The following ITGA8 variants were observed in gnomAD, a reference collection of about 807,000 sequenced individuals.
The protein encoded by ITGA8 is integrin subunit alpha 8, also known as integrin alpha-8.
A neutral mutation model predicts 142.3 loss-of-function variants in ITGA8; 91 were observed. The ratio of observed to expected loss-of-function variants is 0.64; its 90% CI spans 0.54 to 0.76. The LOEUF (loss-of-function observed/expected upper bound fraction) is 0.76, where lower values mean the gene tolerates loss of function less well. Among genes scored for constraint, ITGA8 ranks in the 30% least tolerant of loss-of-function variants. ITGA8 has a pLI of 0.00. For missense variants in ITGA8, 1,406 were observed against 1,327.7 expected (o/e 1.06, Z -0.92); for synonymous variants, 505 against 485.2 (o/e 1.04, Z -0.54).
In ITGA8 at chr10:15,697,857, T is replaced by A. The variant is rs530676457; in HGVS notation, c.344-9819A>T. Among the ~76,000 whole-genome samples, 4 of 152,340 alleles carry A rather than the reference T, an allele frequency of 2.6e-5. No individual in the cohort carries two copies. The South Asian group carries it at 8.3e-4, about 32-fold the overall frequency. ...TTTGCCGACAGTTGATAGAGTAGTCTTTGGTGCAGTCTTGTGAAGTAAAGA... is the reference window on the plus strand; with the variant it reads ...TTTGCCGACAGTTGATAGAGTAGTCATTGGTGCAGTCTTGTGAAGTAAAGA... On this transcript the variant is annotated intron_variant, in intron 2 of 29. Transcript: ENST00000378076.
At chr10:15,590,944 C>G (rs770186279) in intron 22 of ITGA8, among the ~76,000 whole-genome samples, 2 of 152,118 alleles carry the variant, frequency 1.3e-5, no homozygotes, top group Non-Finnish European at 2.9e-5. Context: ...GAAATCTATA[C>G]AAAGTTTGGG....
At chr10:15,531,206 T>A in intron 27 of ITGA8, 55 bp from the exon 28 acceptor site, 1 of 898,912 alleles carries the variant, frequency 1.1e-6, no homozygotes, top group Non-Finnish European at 1.6e-6. Flanking sequence ...TTAAGAGTTA[T>A]ACTGGCAGCC....
At chr10:15,650,102 A>C (rs1171658503) in intron 11 of ITGA8, among the ~76,000 whole-genome samples, 2 of 152,228 alleles carry the variant, frequency 1.3e-5, no homozygotes, top group African/African-American at 4.8e-5. Context: ...AGCAATGAAA[A>C]GAAATGGGCT....
chr10:15,532,512 G>T (rs2131543493), intron 27 of ITGA8, among the ~76,000 whole-genome samples: 1 of 148,678 alleles, frequency 6.7e-6, no homozygotes, highest in African/African-American at 2.5e-5. Context: ...CACTGACCTA[G>T]AGCCAAACAG....
At chr10:15,707,961 GACACACACACAC>G (rs138462340) in intron 2 of ITGA8, among the ~76,000 whole-genome samples, 28 of 144,956 alleles carry the variant, frequency 1.9e-4, no homozygotes, top group Non-Finnish European at 2.6e-4. Flanking sequence ...TGCACACACC[GACACACACACAC>G]ACACACACAC....
intron 2 of ITGA8, among the ~76,000 whole-genome samples, chr10:15,699,764 A>G (rs931798377): frequency 4.6e-5 from 7 of 152,228 alleles, no homozygotes; most frequent in African/African-American, 1.4e-4. Context: ...TCTCCAAAGT[A>G]GCTACAATTT....
chr10:15,555,147 A>G (rs910651965), intron 26 of ITGA8, among the ~76,000 whole-genome samples: 1 of 152,200 alleles, frequency 6.6e-6, no homozygotes, highest in Non-Finnish European at 1.5e-5. Flanking sequence ...TCATGTCATA[A>G]CATTTTATCT....
At chr10:15,625,276 T>G (rs1286520850) in intron 13 of ITGA8, among the ~76,000 whole-genome samples, 1 of 152,232 alleles carries the variant, frequency 6.6e-6, no homozygotes, top group Non-Finnish European at 1.5e-5. Context: ...TATCAAATGA[T>G]GAGTCTGCCT....
intron 28 of ITGA8, among the ~76,000 whole-genome samples, chr10:15,524,732 C>G (rs1833136386): frequency 6.6e-6 from 1 of 152,176 alleles, no homozygotes; most frequent in Admixed American, 6.5e-5. Flanking sequence ...TTTACAGGAC[C>G]AAAGTTTCTT....
intron 19 of ITGA8, 110 bp from the exon 20 acceptor site, chr10:15,604,465 A>AGAAGATGG: frequency 1.3e-6 from 1 of 753,378 alleles, no homozygotes; most frequent in African/African-American, 1.7e-5. Context: ...GTGCAAAAAA[A>AGAAGATGG]GAAGATGGAC....
intron 19 of ITGA8, among the ~76,000 whole-genome samples, chr10:15,604,905 CA>C (rs1833167271): frequency 1.3e-5 from 2 of 152,236 alleles, no homozygotes; most frequent in East Asian, 3.9e-4. Flanking sequence ...TAGAGGACTT[CA>C]AGGTATTTTG....
chr10:15,594,029 A>C (rs767370727), intron 21 of ITGA8, among the ~76,000 whole-genome samples: 6 of 151,702 alleles, frequency 4.0e-5, no homozygotes, highest in Non-Finnish European at 7.4e-5. Flanking sequence ...TTTAGAAGAG[A>C]CGGGGTTTCA....
At chr10:15,718,989 T>G (rs1031202813) in intron 1 of ITGA8, 90 bp from the exon 2 acceptor site, 1 of 1,570,348 alleles carries the variant, frequency 6.4e-7, no homozygotes, top group African/African-American at 1.4e-5. Context: ...CCGGGGACAC[T>G]GGGGCAGGCG....
chr10:15,600,701 T>G (rs1229348446), intron 20 of ITGA8, among the ~76,000 whole-genome samples: 23 of 152,174 alleles, frequency 1.5e-4, no homozygotes, highest in Admixed American at 1.4e-3. Flanking sequence ...AAGATGGATT[T>G]TTTTCTAGGT....
intron 26 of ITGA8, 70 bp downstream of exon 26, chr10:15,558,004 C>T: frequency 6.4e-7 from 1 of 1,561,712 alleles, no homozygotes; most frequent in Non-Finnish European, 8.8e-7. Flanking sequence ...GAAGTTAAAA[C>T]TATCTGTATT....
chr10:15,681,298 C>T (rs1272718773), intron 4 of ITGA8, among the ~76,000 whole-genome samples: 1 of 142,102 alleles, frequency 7.0e-6, no homozygotes. Flanking sequence ...ACTTCTTGGC[C>T]ATGACGGGAA....
Position 15,706,228 on chromosome 10 carries a change from CT to C in ITGA8, c.343+12537del, listed in dbSNP as rs561832389. 7.1e-3 allele frequency among the ~76,000 whole-genome samples: 1,073 copies of C among 152,172 alleles called. 8 individuals are homozygous for C. The highest frequency in any genetic ancestry group is 0.025 in the African/African-American group (1,027 of 41,498). On this transcript the variant is annotated intron_variant, in intron 2 of 29. Transcript: ENST00000378076. The stretch of plus-strand genomic sequence containing the variant: ...TCAGTTCCTTAGGCCAAAATTTCCT[CT>C]TTTTTTGCACTCTTCATCTGATCCA...
intron 2 of ITGA8, among the ~76,000 whole-genome samples, chr10:15,694,203 CATATAT>C (rs1254292540): frequency 1.3e-4 from 18 of 137,600 alleles, no homozygotes; most frequent in African/African-American, 4.6e-4. Context: ...GATAATATAT[CATATAT>C]ATGATAACAT....
chr10:15,583,549 C>A (rs560647960), intron 23 of ITGA8, among the ~76,000 whole-genome samples: 8 of 152,224 alleles, frequency 5.3e-5, no homozygotes, highest in African/African-American at 1.9e-4. Flanking sequence ...AAACTGTCTA[C>A]TGATACATTC....
Sources: gnomAD v4.1 joint callset for allele counts (sites outside exome capture counted in the v4.1 genomes callset) on GRCh38, gnomAD v4.1.1 for gene constraint, MANE v1.5 for transcripts, NCBI Gene and HGNC (gene_info 2026-07-23, HGNC 2026-07-21) for gene names.